Variants in OSTC observed in about 807,000 individuals in gnomAD.
The protein encoded by OSTC is oligosaccharyltransferase complex non-catalytic subunit.
A neutral mutation model predicts 16.4 loss-of-function variants in OSTC; 16 were observed. The observed-to-expected ratio is 0.98, with a 90% CI of 0.66 to 1.49. The LOEUF is 1.49. Ranked by LOEUF, OSTC falls within the 40% of genes most tolerant of loss-of-function variation. The pLI, the probability that OSTC is intolerant of heterozygous loss-of-function variation, is 0.00. For missense variants in OSTC, 139 were observed against 186.3 expected, an observed-to-expected ratio of 0.75 and a Z score of 1.48; for synonymous variants, 67 against 68.5, an observed-to-expected ratio of 0.98 and a Z score of 0.11.
chr4:108,658,361 A>G (rs1726765202), intron 3 of OSTC, among the ~76,000 whole-genome samples: 1 of 151,984 alleles, frequency 6.6e-6, no homozygotes, highest in Non-Finnish European at 1.5e-5. Flanking sequence ...AAAACCCATT[A>G]TGCCTTGTAA....
intron 3 of OSTC, among the ~76,000 whole-genome samples, chr4:108,666,965 A>G (rs899508401): frequency 6.6e-4 from 101 of 151,952 alleles, no homozygotes; most frequent in African/African-American, 2.3e-3. Context: ...AGATCACACC[A>G]TTGCACTCCA....
intron 3 of OSTC, among the ~76,000 whole-genome samples, chr4:108,666,671 A>G (rs867656671): frequency 7.1e-6 from 1 of 141,840 alleles, no homozygotes; most frequent in Admixed American, 7.6e-5. Context: ...AGATTGCACC[A>G]TTGCACTCCA....
chr4:108,665,013 A>G (rs1392288235), intron 3 of OSTC, among the ~76,000 whole-genome samples: 2 of 152,166 alleles, frequency 1.3e-5, no homozygotes, highest in Non-Finnish European at 2.9e-5. Flanking sequence ...TGGATTGGCC[A>G]GGCTGATACA....
intron 3 of OSTC, among the ~76,000 whole-genome samples, chr4:108,662,325 A>G (rs562320093): frequency 5.3e-5 from 8 of 152,378 alleles, no homozygotes; most frequent in African/African-American, 1.9e-4. Context: ...ATACATAAAT[A>G]CTAAAACATT....
chr4:108,660,430 C>G (rs1726826922), intron 3 of OSTC, among the ~76,000 whole-genome samples: 1 of 152,130 alleles, frequency 6.6e-6, no homozygotes, highest in Non-Finnish European at 1.5e-5. Context: ...TACTATCTTT[C>G]CTGGAATATT....
intron 3 of OSTC, among the ~76,000 whole-genome samples, chr4:108,664,218 C>A (rs548832857): frequency 1.3e-4 from 20 of 152,168 alleles, no homozygotes; most frequent in African/African-American, 4.8e-4. Flanking sequence ...TTTAAATATT[C>A]TTTTCTATCT....
chr4:108,653,033 T>C (rs1726598069), intron 1 of OSTC, among the ~76,000 whole-genome samples: 1 of 151,966 alleles, frequency 6.6e-6, no homozygotes, highest in Admixed American at 6.6e-5. Flanking sequence ...AGCAAGGCCC[T>C]GTTTCAGAAA....
chr4:108,659,644 C>T (rs901017955), intron 3 of OSTC, among the ~76,000 whole-genome samples: 1 of 152,124 alleles, frequency 6.6e-6, no homozygotes, highest in Non-Finnish European at 1.5e-5. Flanking sequence ...TGTCGGGTGC[C>T]TGTAGTCCCA....
chr4:108,657,004 T>G (rs1228572667), intron 2 of OSTC, among the ~76,000 whole-genome samples: 2 of 151,436 alleles, frequency 1.3e-5, no homozygotes, highest in African/African-American at 4.9e-5. Flanking sequence ...GAGGTGGAGG[T>G]TGCAGTGAGC....
In OSTC at chr4:108,657,525, C is replaced by T. The variant is rs967404612; in HGVS notation, c.309C>T (p.Ile103=). The T allele has an allele frequency of 1.9e-6, 3 of 1,613,606 alleles. No homozygotes were observed. In the South Asian group the frequency reaches 3.3e-5, roughly 18 times the overall value. Residue 103 remains isoleucine (I), a synonymous_variant, in exon 3 of 4, where the codon ATC becomes ATT. Transcript: ENST00000361564. ...LFTMGGLGFI[I]LDRSNAPNIP... ...CAATGGGAGGTTTAGGTTTCATAAT[C>T]CTGGACCGATCGAATGCACCAAATA...
intron 1 of OSTC, among the ~76,000 whole-genome samples, chr4:108,654,636 C>T (rs1479379198): frequency 6.6e-6 from 1 of 152,122 alleles, no homozygotes; most frequent in Non-Finnish European, 1.5e-5. Context: ...GGGAGATAGG[C>T]TTGTTATGCT....
chr4:108,660,489 A>G (rs1726829078), intron 3 of OSTC, among the ~76,000 whole-genome samples: 1 of 152,192 alleles, frequency 6.6e-6, no homozygotes, highest in Non-Finnish European at 1.5e-5. Context: ...CCTGTATTAC[A>G]CACAACAGGG....
chr4:108,650,727 G>T lies in OSTC; in HGVS notation c.72G>T (p.Trp24Cys). The T allele has an allele frequency of 6.2e-7, 1 of 1,614,230 alleles. No homozygotes were observed. The highest frequency in any genetic ancestry group is 8.5e-7 in the Non-Finnish European group (1 of 1,180,048). The change falls in exon 1 of 4, where the codon TGG becomes TGT. Residue 24 changes from tryptophan to cysteine, a missense_variant. Coordinates refer to ENST00000361564, the MANE Select transcript of OSTC (RefSeq NM_021227.4). Reference sequence around the variant, plus strand: ...ACCTGAAGCTGAAGAAGCCGCCCTGGTTGCACATGCCGTCGGCCATGACTG... The same window carrying T: ...ACCTGAAGCTGAAGAAGCCGCCCTGTTTGCACATGCCGTCGGCCATGACTG... ...CPNLKLKKPP[W>C]LHMPSAMTVY... is the part of the protein sequence containing the mutation.
At chr4:108,657,350 A>AGCACAAAAATGTTTTG in intron 2 of OSTC, 100 bp from the exon 3 acceptor site, 1 of 992,100 alleles carries the variant, frequency 1.0e-6, no homozygotes, top group Non-Finnish European at 1.5e-6. Context: ...TAAGAAATAT[A>AGCACAAAAATGTTTTG]GCACAAAAAT....
chr4:108,657,536 C>T lies in OSTC; in HGVS notation c.320C>T (p.Ser107Leu), dbSNP rs1311114321. ...GGLGFIILDR[S>L]NAPNIPKLNR... ...TTAGGTTTCATAATCCTGGACCGAT[C>T]GAATGCACCAAATATCCCAAAACTC... Residue 107 changes from serine (S) to leucine (L), a missense_variant, in exon 3 of 4, where the codon TCG (serine) becomes TTG (leucine). By Grantham distance (145) the Ser-to-Leu change is moderately radical. Coordinates refer to ENST00000361564, the MANE Select transcript of OSTC (RefSeq NM_021227.4). The T allele has an allele frequency of 1.9e-6, 3 of 1,613,400 alleles. No homozygotes were observed. Among genetic ancestry groups the T allele is most frequent in the Non-Finnish European group, 2.5e-6 (3 of 1,179,542 alleles).
At chr4:108,659,423 T>C (rs1726797195) in intron 3 of OSTC, among the ~76,000 whole-genome samples, 1 of 152,100 alleles carries the variant, frequency 6.6e-6, no homozygotes, top group Non-Finnish European at 1.5e-5. Flanking sequence ...GGTGTACTTG[T>C]ATAGAAAAGA....
chr4:108,657,432 C>G lies in OSTC; in HGVS notation c.234-18C>G. 6.3e-7 allele frequency: 1 copy of G among 1,584,658 alleles called. No homozygotes were observed. Among genetic ancestry groups the G allele is most frequent in the Non-Finnish European group, 8.6e-7 (1 of 1,157,016 alleles). On this transcript the variant is annotated intron_variant, in intron 2 of 3. Coordinates refer to ENST00000361564, the MANE Select transcript of OSTC (RefSeq NM_021227.4). ...TTTCTATTTGTTATCTTTCTATGGT[C>G]ATTCTTTTCTTTTCCAGAGTAAATG... is the stretch of plus-strand genomic sequence containing the variant.
intron 3 of OSTC, among the ~76,000 whole-genome samples, chr4:108,664,743 A>C (rs183733940): frequency 1.5e-3 from 229 of 151,966 alleles, no homozygotes; most frequent in Middle Eastern, 0.014. Flanking sequence ...ACAGGCATGC[A>C]CTACCACACC....
intron 1 of OSTC, among the ~76,000 whole-genome samples, chr4:108,653,388 AAGG>A (rs1726607771): frequency 6.6e-6 from 1 of 152,232 alleles, no homozygotes; most frequent in South Asian, 2.1e-4. Context: ...AGTTCGGGGA[AAGG>A]ATATGCTAGG....
Sources: gnomAD v4.1 joint callset for allele counts (sites outside exome capture counted in the v4.1 genomes callset) on GRCh38, gnomAD v4.1.1 for gene constraint, MANE v1.5 for transcripts, NCBI Gene and HGNC (gene_info 2026-07-23, HGNC 2026-07-21) for gene names.